The following GLCE variants were observed in gnomAD, a reference collection of about 807,000 sequenced individuals.
GLCE encodes the protein glucuronic acid epimerase.
In GLCE, 19 loss-of-function variants were observed where a neutral mutation model predicts 47.9. That is an observed-to-expected ratio of 0.40 (90% CI 0.28 to 0.58). GLCE has a LOEUF of 0.58. Among genes scored for constraint, GLCE ranks in the 20% least tolerant of loss-of-function variants. The pLI is 0.48. For missense variants in GLCE, 556 were observed against 743.3 expected (o/e 0.75, Z 2.93); for synonymous variants, 245 against 263.4 (o/e 0.93, Z 0.68).
intron 2 of GLCE, among the ~76,000 whole-genome samples, chr15:69,233,345 TG>T (rs2052550807): frequency 6.6e-6 from 1 of 152,210 alleles, no homozygotes. Context: ...AAAATTTTAT[TG>T]ACTTTATGTT....
intron 2 of GLCE, among the ~76,000 whole-genome samples, chr15:69,252,938 G>A (rs1453592644): frequency 6.6e-6 from 1 of 151,838 alleles, no homozygotes; most frequent in Non-Finnish European, 1.5e-5. Context: ...GGTTAAAAAT[G>A]TATTATTGGG....
At chr15:69,222,049 G>A (rs1310178004) in intron 2 of GLCE, among the ~76,000 whole-genome samples, 2 of 152,132 alleles carry the variant, frequency 1.3e-5, no homozygotes, top group Non-Finnish European at 2.9e-5. Flanking sequence ...AGTTGCATGT[G>A]GTTGAATGCC....
intron 2 of GLCE, among the ~76,000 whole-genome samples, chr15:69,246,030 G>A (rs868682338): frequency 6.6e-6 from 1 of 152,122 alleles, no homozygotes; most frequent in African/African-American, 2.4e-5. Flanking sequence ...CGCCCGGCCA[G>A]TCGTTTCAAC....
chr15:69,197,115 C>T, intron 1 of GLCE: 1 of 360,138 alleles, frequency 2.8e-6, no homozygotes, highest in Non-Finnish European at 5.5e-6. Context: ...CTGCAGCCAG[C>T]ATTGATCAAC....
At chr15:69,221,854 C>T (rs961699806) in intron 2 of GLCE, among the ~76,000 whole-genome samples, 10 of 110,394 alleles carry the variant, frequency 9.1e-5, no homozygotes, top group Admixed American at 4.8e-4. Context: ...CAGAGTGAGA[C>T]GCTGTCTCAA....
chr15:69,163,981 A>G (rs1003219938), intron 1 of GLCE, among the ~76,000 whole-genome samples: 2 of 152,146 alleles, frequency 1.3e-5, no homozygotes, highest in Non-Finnish European at 2.9e-5. Flanking sequence ...AAAATGTTAA[A>G]ACATGTTAAG....
At chr15:69,233,806 G>A (rs1021770865) in intron 2 of GLCE, among the ~76,000 whole-genome samples, 1 of 152,096 alleles carries the variant, frequency 6.6e-6, no homozygotes, top group Non-Finnish European at 1.5e-5. Context: ...GAAACCTAGA[G>A]TTTATTATGA....
intron 2 of GLCE, among the ~76,000 whole-genome samples, chr15:69,221,894 G>T (rs2052382295): frequency 6.6e-6 from 1 of 151,508 alleles, no homozygotes. Flanking sequence ...AATATGCCCT[G>T]GCTTTTAGAG....
chr15:69,163,939 A>C (rs927476334), intron 1 of GLCE, among the ~76,000 whole-genome samples: 3 of 152,190 alleles, frequency 2.0e-5, no homozygotes, highest in Admixed American at 6.5e-5. Flanking sequence ...GGTGGGTAGC[A>C]CAACAAAATA....
chr15:69,255,805 A>G lies in GLCE; in HGVS notation c.-2A>G. Reference sequence around the variant, plus strand: ...TCTTGCCTCCATAGGTATGGTCTGAATATGCGTTGCTTGGCAGCTCGGGTC... The same window carrying G: ...TCTTGCCTCCATAGGTATGGTCTGAGTATGCGTTGCTTGGCAGCTCGGGTC... On this transcript the variant is annotated 5_prime_UTR_variant, in exon 3 of 5. Coordinates refer to ENST00000261858, the MANE Select transcript of GLCE (RefSeq NM_015554.3). 1 of 1,601,604 alleles carries G rather than the reference A, an allele frequency of 6.2e-7. No homozygotes were observed. Among genetic ancestry groups the G allele is most frequent in the Non-Finnish European group, 8.6e-7 (1 of 1,169,208 alleles).
At chr15:69,167,537 T>C (rs2051523261) in intron 1 of GLCE, among the ~76,000 whole-genome samples, 1 of 152,246 alleles carries the variant, frequency 6.6e-6, no homozygotes, top group South Asian at 2.1e-4. Context: ...TTACCAGTTA[T>C]CATTTAAGTG....
At position 69,192,830 on chromosome 15, in the gene GLCE, C is replaced by T. The variant is rs1055857992; in HGVS notation, c.-104-17486C>T. Among the ~76,000 whole-genome samples the T allele has an allele frequency of 1.6e-4, 25 of 152,104 alleles. 1 individual carries two copies. ...AGTCACTCATGGCTGCCCTGCTATT[C>T]AGCAAGATTTCACCACTTTGGGTAA... On this transcript the variant is annotated intron_variant, in intron 1 of 4. Coordinates refer to ENST00000261858, the MANE Select transcript of GLCE (RefSeq NM_015554.3).
chr15:69,199,500 T>C (rs1019640133), intron 1 of GLCE, among the ~76,000 whole-genome samples: 5 of 152,198 alleles, frequency 3.3e-5, no homozygotes, highest in Non-Finnish European at 7.4e-5. Flanking sequence ...ATCATGGATT[T>C]CAATTTTTTT....
In GLCE at chr15:69,261,272, A is replaced by G. The variant is rs2053010530; in HGVS notation, c.772A>G (p.Met258Val). ...CTGGACTGTGCCAAAGGGCTGCTTT[A>G]TGGCGAATGTGGCTGATAAGTCTAG... is the stretch of plus-strand genomic sequence containing the variant. Reference protein sequence around the residue: ...NDWTVPKGCFMANVADKSRFT... With the variant: ...NDWTVPKGCFVANVADKSRFT... Residue 258 changes from methionine (M) to valine (V), a missense_variant, in exon 4 of 5, where the codon ATG (methionine) becomes GTG (valine). By Grantham distance (21) the Met-to-Val change is conservative. Around this residue, in one of 3 missense-constraint regions of GLCE, gnomAD observed 74 missense variants for 64.4 expected, o/e 1.15. Coordinates refer to ENST00000261858, the MANE Select transcript of GLCE (RefSeq NM_015554.3). 5 of 1,613,958 alleles carry G rather than the reference A, an allele frequency of 3.1e-6. No individual in the cohort carries two copies. The Admixed American group carries it at 5.0e-5, about 16-fold the overall frequency.
Position 69,268,523 on chromosome 15 carries a change from A to C in GLCE, c.1133A>C (p.Lys378Thr). Residue 378 changes from lysine (K) to threonine (T), a missense_variant, in exon 5 of 5, where the codon AAG becomes ACG. Physicochemically the swap from Lys to Thr is moderately conservative, Grantham distance 78. Transcript: ENST00000261858. ...GTCAAGCCAACCAAAATAATGCCCA[A>C]GAAGGTGGTTAGGTTGATTGCAAAA... ...KAVKPTKIMP[K>T]KVVRLIAKGK... 6.2e-7 allele frequency: 1 copy of C among 1,614,208 alleles called. No individual in the cohort carries two copies. Among genetic ancestry groups the C allele is most frequent in the South Asian group, 1.1e-5 (1 of 91,086 alleles).
At chr15:69,237,019 A>T (rs2052601862) in intron 2 of GLCE, among the ~76,000 whole-genome samples, 1 of 152,160 alleles carries the variant, frequency 6.6e-6, no homozygotes, top group Non-Finnish European at 1.5e-5. Context: ...AATTTATAAT[A>T]TGGATATTAC....
chr15:69,166,966 A>G (rs1427607844), intron 1 of GLCE, among the ~76,000 whole-genome samples: 2 of 149,764 alleles, frequency 1.3e-5, no homozygotes, highest in Non-Finnish European at 3.0e-5. Flanking sequence ...TTGTGATCCC[A>G]GCACTTTGGG....
At chr15:69,204,216 T>C (rs533326730) in intron 1 of GLCE, among the ~76,000 whole-genome samples, 1 of 152,050 alleles carries the variant, frequency 6.6e-6, no homozygotes, top group Non-Finnish European at 1.5e-5. Flanking sequence ...TCATCCTACT[T>C]ATTCAAATAA....
At chr15:69,219,924 T>G (rs1040995264) in intron 2 of GLCE, among the ~76,000 whole-genome samples, 2 of 152,106 alleles carry the variant, frequency 1.3e-5, no homozygotes, top group African/African-American at 2.4e-5. Context: ...GTCTACTGTG[T>G]GTCTTTATGA....
Sources: gnomAD v4.1 joint callset for allele counts (sites outside exome capture counted in the v4.1 genomes callset) on GRCh38, gnomAD v4.1.1 for gene constraint, gnomAD v4.1.1 regional missense constraint, MANE v1.5 for transcripts, NCBI Gene and HGNC (gene_info 2026-07-23, HGNC 2026-07-21) for gene names.